Variants in PCDHGB3 observed in about 807,000 individuals in gnomAD.
PCDHGB3 encodes protocadherin gamma subfamily B, 3, also known as protocadherin gamma-B3.
Under a neutral mutation model 59.2 loss-of-function variants are expected in PCDHGB3, and 40 were observed. The ratio of observed to expected loss-of-function variants is 0.68; its 90% CI spans 0.52 to 0.88. The LOEUF (loss-of-function observed/expected upper bound fraction) is 0.88. Ranked by LOEUF, PCDHGB3 falls within the 40% of genes least tolerant of loss-of-function variation. The pLI, the probability that PCDHGB3 is intolerant of heterozygous loss-of-function variation, is 0.00. For missense variants in PCDHGB3, 1,309 were observed against 1,187.9 expected, an observed-to-expected ratio of 1.10 and a Z score of -1.50; for synonymous variants, 581 against 503.6, an observed-to-expected ratio of 1.15 and a Z score of -2.06.
intron 1 of PCDHGB3, chr5:141,409,042 C>A: frequency 5.0e-6 from 8 of 1,614,034 alleles, no homozygotes; most frequent in Middle Eastern, 1.6e-4. Context: ...TAAACTACTA[C>A]TTCCGAAGCA....
rs374478954 is a variant in PCDHGB3 at position 141,370,771 on chromosome 5, T to C, written c.377T>C (p.Ile126Thr). The C allele has an allele frequency of 2.0e-5, 33 of 1,614,000 alleles. No homozygotes were observed. The African/African-American group carries it at 3.9e-4, about 19-fold the overall frequency. Residue 126 changes from isoleucine to threonine, a missense_variant, in exon 1 of 4, where the codon ATT becomes ACT. Coordinates refer to ENST00000576222, the MANE Select transcript of PCDHGB3 (RefSeq NM_018924.5). Reference sequence around the variant, plus strand: ...CATGTAACTGTGCTGATCCAGGATATTAACGACAACCCACCGACCTTTAGC... The same window carrying C: ...CATGTAACTGTGCTGATCCAGGATACTAACGACAACCCACCGACCTTTAGC... ...FFHVTVLIQD[I>T]NDNPPTFSQN...
intron 1 of PCDHGB3, chr5:141,413,717 A>C: frequency 6.2e-7 from 1 of 1,613,382 alleles, no homozygotes; most frequent in Non-Finnish European, 8.5e-7. Flanking sequence ...CCCAATAAGC[A>C]CTTCTCCCTA....
At chr5:141,463,402 T>C (rs1214124103) in intron 1 of PCDHGB3, among the ~76,000 whole-genome samples, 1 of 149,978 alleles carries the variant, frequency 6.7e-6, no homozygotes, top group African/African-American at 2.5e-5. Context: ...GCAAAAAAAA[T>C]GGAGATCCTA....
chr5:141,415,740 GTTTTTTTTTTT>G lies in PCDHGB3; in HGVS notation c.2415+42953_2415+42963del, dbSNP rs57426385. On this transcript the variant is annotated intron_variant, in intron 1 of 3. Transcript: ENST00000576222. ...TGAGTAGAATTTGATGTTTATTAAGGTTTTTTTTTTTTTTTTTTTTTTTTTTTTTTTTACTT... is the reference window on the plus strand; with the variant it reads ...TGAGTAGAATTTGATGTTTATTAAGGTTTTTTTTTTTTTTTTTTTTTACTT... 695 of 624,702 alleles carry G rather than the reference GTTTTTTTTTTT, an allele frequency of 1.1e-3. 1 individual carries two copies. Among genetic ancestry groups the G allele is most frequent in the East Asian group, 1.8e-3 (27 of 14,732 alleles). 38.7% of individuals were successfully genotyped at this position (624,702 alleles called of 1,614,324 possible).
At chr5:141,479,986 C>T (rs2099510881) in intron 1 of PCDHGB3, among the ~76,000 whole-genome samples, 1 of 152,200 alleles carries the variant, frequency 6.6e-6, no homozygotes, top group Non-Finnish European at 1.5e-5. Flanking sequence ...CATTTACCAA[C>T]TAGGAGTCTG....
In PCDHGB3 at chr5:141,485,275, G is replaced by C. The variant is rs77402299; in HGVS notation, c.2416-9532G>C. ...ACGTTTGTGGGCAGATCCGCTACCC[G>C]GTCCCAGAGGAGTCACAGGAAGGGA... On this transcript the variant is annotated intron_variant, in intron 1 of 3. Transcript: ENST00000576222. The surrounding 1 kb of genome is among the most constrained non-coding windows in gnomAD (Gnocchi z 5.7). The C allele has an allele frequency of 2.5e-6, 4 of 1,614,072 alleles. No individual in the cohort carries two copies. Among genetic ancestry groups the C allele is most frequent in the Admixed American group, 1.7e-5 (1 of 60,024 alleles).
rs561499055 is a variant in PCDHGB3 at position 141,423,745 on chromosome 5, C to G, written c.2415+50936C>G. 10 of 605,688 alleles carry G rather than the reference C, an allele frequency of 1.7e-5. No individual in the cohort carries two copies. The East Asian group carries it at 3.1e-4, about 19-fold the overall frequency. The allele number at this position is 605,688 out of a possible 1,614,324, so 37.5% of individuals were successfully genotyped here. A position where few individuals can be genotyped will look rare whatever the true frequency, so the allele number is the denominator to read the frequency against. The stretch of plus-strand genomic sequence containing the variant: ...ATGTTTTTTGAGCCTGTTATGAAAA[C>G]TGTTTGGGGGGGGGGTGGGGCGGCA... On this transcript the variant is annotated intron_variant, in intron 1 of 3. Coordinates refer to ENST00000576222, the MANE Select transcript of PCDHGB3 (RefSeq NM_018924.5).
intron 1 of PCDHGB3, chr5:141,417,038 T>TAAA (rs567249795): frequency 5.5e-5 from 8 of 145,968 alleles, no homozygotes; most frequent in East Asian, 2.0e-4. Context: ...GTTTTTTTTT[T>TAAA]AAAAAAAACT....
intron 1 of PCDHGB3, chr5:141,393,996 G>C (rs1379037065): frequency 3.1e-6 from 5 of 1,613,290 alleles, no homozygotes; most frequent in East Asian, 2.2e-5. Flanking sequence ...TTTTAAATTA[G>C]AAAAGTCAAT....
At chr5:141,415,288 T>C in intron 1 of PCDHGB3, 6 of 1,614,202 alleles carry the variant, frequency 3.7e-6, no homozygotes, top group Non-Finnish European at 5.1e-6. Flanking sequence ...GGCCGCGGTC[T>C]CCTGCGTCTT....
Position 141,486,793 on chromosome 5 carries a change from G to C in PCDHGB3, c.2416-8014G>C. ...AGTTTGAGGTGCAGGCCCGGGATCG[G>C]GGCAACCCACCCCTTAGCAGCACTG... is the stretch of plus-strand genomic sequence containing the variant. On this transcript the variant is annotated intron_variant, in intron 1 of 3. Transcript: ENST00000576222. This position sits in a 1 kb window ranked among gnomAD's most constrained non-coding sequence, Gnocchi z 5.0. 6.2e-7 allele frequency: 1 copy of C among 1,614,244 alleles called. No homozygotes were observed. Among genetic ancestry groups the C allele is most frequent in the Non-Finnish European group, 8.5e-7 (1 of 1,180,050 alleles).
intron 1 of PCDHGB3, chr5:141,393,214 A>AT (rs1561641117): frequency 1.2e-6 from 2 of 1,613,518 alleles, no homozygotes; most frequent in East Asian, 2.2e-5. Flanking sequence ...CCAAAATTCC[A>AT]GGTCGAAGAT....
Position 141,427,512 on chromosome 5 carries a change from T to A in PCDHGB3, c.2415+54703T>A, listed in dbSNP as rs1483922394. ...GCTTGTAACAGATGGGACCCTGGATTGGGAGCGGATCCCGGAGTACAACGT... is the reference window on the plus strand; with the variant it reads ...GCTTGTAACAGATGGGACCCTGGATAGGGAGCGGATCCCGGAGTACAACGT... On this transcript the variant is annotated intron_variant, in intron 1 of 3. Transcript: ENST00000576222. 1.2e-5 allele frequency: 7 copies of A among 592,748 alleles called. No homozygotes were observed. The Admixed American group carries it at 1.3e-4, about 11-fold the overall frequency. 36.7% of individuals were successfully genotyped at this position (592,748 alleles called of 1,614,324 possible). A position where few individuals can be genotyped will look rare whatever the true frequency, so the allele number is the denominator to read the frequency against.
chr5:141,491,549 A>T lies in PCDHGB3; in HGVS notation c.2416-3258A>T, dbSNP rs748281587. 18 of 1,613,860 alleles carry T rather than the reference A, an allele frequency of 1.1e-5. No homozygotes were observed. In the East Asian group the frequency reaches 3.8e-4, roughly 34 times the overall value. On this transcript the variant is annotated intron_variant, in intron 1 of 3. Coordinates refer to ENST00000576222, the MANE Select transcript of PCDHGB3 (RefSeq NM_018924.5). This position sits in a 1 kb window ranked among gnomAD's most constrained non-coding sequence, Gnocchi z 6.9. Reference sequence around the variant, plus strand: ...GTGACGCTGCGGCCCACAGACTCGCAGAGCCACTGCTACAGGACGTGCTTT... The same window carrying T: ...GTGACGCTGCGGCCCACAGACTCGCTGAGCCACTGCTACAGGACGTGCTTT...
intron 1 of PCDHGB3, among the ~76,000 whole-genome samples, chr5:141,430,159 A>G (rs1324343997): frequency 6.6e-6 from 1 of 152,176 alleles, no homozygotes; most frequent in Non-Finnish European, 1.5e-5. Context: ...CAAGGAATCT[A>G]TTTAAAAATA....
chr5:141,487,748 T>A lies in PCDHGB3; in HGVS notation c.2416-7059T>A, dbSNP rs1458153935. ...TGTCACCATTTTTGTAAGAGGTAACTATGTGGTAGACGCTGTGCTTTGTAA... is the reference window on the plus strand; with the variant it reads ...TGTCACCATTTTTGTAAGAGGTAACAATGTGGTAGACGCTGTGCTTTGTAA... On this transcript the variant is annotated intron_variant, in intron 1 of 3. Transcript: ENST00000576222. This position sits in a 1 kb window ranked among gnomAD's most constrained non-coding sequence, Gnocchi z 5.0. 6.4e-7 allele frequency: 1 copy of A among 1,557,554 alleles called. No homozygotes were observed. The highest frequency in any genetic ancestry group is 1.2e-5 in the South Asian group (1 of 84,814).
chr5:141,410,068 C>A, intron 1 of PCDHGB3: 1 of 1,612,950 alleles, frequency 6.2e-7, no homozygotes. Context: ...TGGGGCTGCG[C>A]ACTGGGGAGG....
intron 1 of PCDHGB3, chr5:141,383,876 G>A (rs747987128): frequency 3.7e-6 from 6 of 1,613,860 alleles, no homozygotes; most frequent in African/African-American, 1.3e-5. Context: ...GATGGTCCTG[G>A]TAGTCTGACA....
chr5:141,414,550 G>C, intron 1 of PCDHGB3: 1 of 1,613,948 alleles, frequency 6.2e-7, no homozygotes, highest in Non-Finnish European at 8.5e-7. Context: ...CTTCTCTCAA[G>C]TCTCCTACTT....
Sources: allele counts gnomAD v4.1 joint callset (sites outside exome capture counted in the v4.1 genomes callset), GRCh38; gene constraint gnomAD v4.1.1; non-coding constraint Gnocchi (gnomAD v3.1); transcripts MANE v1.5; gene names NCBI Gene and HGNC (gene_info 2026-07-23, HGNC 2026-07-21).